Variants in RNF150 observed in about 807,000 individuals in gnomAD.
RNF150 encodes the protein ring finger protein 150.
A neutral mutation model predicts 39.3 loss-of-function variants in RNF150; 24 were observed. The observed-to-expected ratio is 0.61, with a 90% confidence interval of 0.44 to 0.86. The LOEUF is 0.86. Ranked by LOEUF, RNF150 falls within the 40% of genes least tolerant of loss-of-function variation. RNF150 has a pLI of 0.00. For synonymous variants in RNF150, 255 were observed against 227.3 expected (o/e 1.12, Z -1.10); for missense variants, 502 against 587.8 (o/e 0.85, Z 1.51).
At chr4:141,021,004 C>T (rs1018731695) in intron 1 of RNF150, among the ~76,000 whole-genome samples, 1 of 152,142 alleles carries the variant, frequency 6.6e-6, no homozygotes, top group African/African-American at 2.4e-5. Context: ...TAGAACTGGG[C>T]TCAATTCCAA....
intron 1 of RNF150, among the ~76,000 whole-genome samples, chr4:141,122,225 C>T (rs4956517): frequency 0.72 from 109,094 of 152,136 alleles, 40,109 homozygotes; most frequent in East Asian, 0.88. Context: ...CCCCCAGACA[C>T]AGAGGAGTGT....
intron 1 of RNF150, among the ~76,000 whole-genome samples, chr4:141,130,510 G>A (rs781288479): frequency 5.3e-5 from 8 of 151,964 alleles, no homozygotes; most frequent in Non-Finnish European, 1.0e-4. Context: ...TCTGCTTAGT[G>A]TTTTCTTTAA....
At chr4:141,197,761 C>G (rs1728223984) in intron 1 of RNF150, among the ~76,000 whole-genome samples, 1 of 151,688 alleles carries the variant, frequency 6.6e-6, no homozygotes, top group Non-Finnish European at 1.5e-5. Flanking sequence ...ACCTGTAGTC[C>G]CAGCTACTTG....
chr4:140,918,795 T>G (rs1050180109), intron 5 of RNF150, among the ~76,000 whole-genome samples: 3 of 152,110 alleles, frequency 2.0e-5, no homozygotes, highest in African/African-American at 7.2e-5. Context: ...AATAAAATAC[T>G]GGCAAACCAA....
intron 1 of RNF150, among the ~76,000 whole-genome samples, chr4:141,117,032 G>T (rs897142928): frequency 6.6e-6 from 1 of 152,120 alleles, no homozygotes; most frequent in East Asian, 1.9e-4. Context: ...AGCATTAGGA[G>T]AAATACCTAA....
At chr4:140,998,769 T>C (rs1560677399) in intron 1 of RNF150, among the ~76,000 whole-genome samples, 1 of 152,210 alleles carries the variant, frequency 6.6e-6, no homozygotes, top group Non-Finnish European at 1.5e-5. Flanking sequence ...TGCACCATCA[T>C]GTGAACTCTG....
chr4:141,177,053 GGAAA>G (rs1173837385), intron 1 of RNF150, among the ~76,000 whole-genome samples: 113 of 20,852 alleles, frequency 5.4e-3, no homozygotes, highest in African/African-American at 0.015. Context: ...CTGTCTCCTA[GGAAA>G]AAAAAAAAAA....
intron 6 of RNF150, among the ~76,000 whole-genome samples, chr4:140,902,143 G>A (rs973142729): frequency 1.3e-5 from 2 of 152,148 alleles, no homozygotes; most frequent in Non-Finnish European, 2.9e-5. Flanking sequence ...CCAGACACAG[G>A]GAGATAAGAG....
intron 1 of RNF150, among the ~76,000 whole-genome samples, chr4:141,095,273 G>A (rs4956509): frequency 0.6 from 91,051 of 151,968 alleles, 28,190 homozygotes; most frequent in East Asian, 0.77. Flanking sequence ...ACTCAGTAGT[G>A]AGCTCTCTTC....
intron 1 of RNF150, among the ~76,000 whole-genome samples, chr4:141,181,916 C>T (rs146912286): frequency 6.6e-6 from 1 of 152,214 alleles, no homozygotes; most frequent in Non-Finnish European, 1.5e-5. Context: ...TGGGATGTAC[C>T]TTGACTGGTT....
intron 6 of RNF150, among the ~76,000 whole-genome samples, chr4:140,891,019 G>T (rs951769831): frequency 1.3e-5 from 2 of 152,150 alleles, no homozygotes; most frequent in Non-Finnish European, 2.9e-5. Context: ...CTCACTAAAG[G>T]TTAACTATAA....
chr4:141,211,061 A>T (rs1450977051), intron 1 of RNF150, among the ~76,000 whole-genome samples: 1 of 152,194 alleles, frequency 6.6e-6, no homozygotes, highest in Non-Finnish European at 1.5e-5. Flanking sequence ...AAGTTCTTGC[A>T]TCACTGTCCT....
chr4:140,911,357 G>A lies in RNF150; in HGVS notation c.988-3C>T. The A allele has an allele frequency of 6.2e-7, 1 of 1,613,670 alleles. No homozygotes were observed. The highest frequency in any genetic ancestry group is 2.2e-5 in the East Asian group (1 of 44,866). ...TCGTCCATGCAGTCGGCATTGGGCT[G>A]ATGGGGCAGAAAAAGATCTGTTCTC... On this transcript the variant is annotated splice_region_variant and splice_polypyrimidine_tract_variant and intron_variant, in intron 5 of 6. Transcript: ENST00000515673.
chr4:141,206,119 T>C (rs1728370802), intron 1 of RNF150, among the ~76,000 whole-genome samples: 1 of 152,060 alleles, frequency 6.6e-6, no homozygotes, highest in Admixed American at 6.6e-5. Context: ...CTCCTTCTTT[T>C]ATTTAAAAGA....
chr4:140,859,891 C>A lies in RNF150; in HGVS notation c.*8370G>T, dbSNP rs1337622122. The A allele has an allele frequency of 6.6e-6, 1 of 151,994 alleles. No homozygotes were observed. The highest frequency in any genetic ancestry group is 2.4e-5 in the African/African-American group (1 of 41,356). The allele number at this position is 151,994 out of a possible 1,614,324, so 9.4% of individuals were successfully genotyped here. A position where few individuals can be genotyped will look rare whatever the true frequency, so the allele number is the denominator to read the frequency against. ...AATTCACAACCCTCATTTAAAAATC[C>A]TTATAGTTGCAATATTTTTTTTTTA... On this transcript the variant is annotated 3_prime_UTR_variant, in exon 7 of 7. Transcript: ENST00000515673.
intron 1 of RNF150, among the ~76,000 whole-genome samples, chr4:141,174,082 T>C (rs1283901623): frequency 6.6e-6 from 1 of 152,234 alleles, no homozygotes; most frequent in African/African-American, 2.4e-5. Context: ...CATTTCCCCA[T>C]TCTTTATTGA....
chr4:141,205,323 T>C (rs1333689074), intron 1 of RNF150, among the ~76,000 whole-genome samples: 1 of 152,124 alleles, frequency 6.6e-6, no homozygotes, highest in Non-Finnish European at 1.5e-5. Context: ...GGACCTAAGA[T>C]GATAAAACAG....
At chr4:141,130,450 A>C (rs369444823) in intron 1 of RNF150, among the ~76,000 whole-genome samples, 10 of 152,234 alleles carry the variant, frequency 6.6e-5, no homozygotes, top group African/African-American at 2.4e-4. Context: ...CTACAGTATT[A>C]CTAAACTTCC....
At chr4:140,911,059 T>C in intron 6 of RNF150, 85 bp downstream of exon 6, 1 of 1,060,228 alleles carries the variant, frequency 9.4e-7, no homozygotes, top group South Asian at 1.4e-5. Flanking sequence ...AATATTTTTT[T>C]CTTTTTGAGG....
Sources: allele counts gnomAD v4.1 joint callset (sites outside exome capture counted in the v4.1 genomes callset), GRCh38; gene constraint gnomAD v4.1.1; transcripts MANE v1.5; gene names NCBI Gene and HGNC (gene_info 2026-07-23, HGNC 2026-07-21).